The following ZPBP variants were observed in gnomAD, a reference collection of about 807,000 sequenced individuals.
The protein encoded by ZPBP is zona pellucida binding protein, also known as zona pellucida-binding protein 1.
ZPBP carries 26 observed loss-of-function variants against 44.8 expected under a neutral mutation model. The observed-to-expected ratio is 0.58, with a 90% CI of 0.43 to 0.81. The LOEUF is 0.81. Among genes scored for constraint, ZPBP ranks in the 30% least tolerant of loss-of-function variants. The pLI is 0.00. For missense variants in ZPBP, 409 were observed against 434.0 expected, an observed-to-expected ratio of 0.94 and a Z score of 0.51; for synonymous variants, 174 against 153.2, an observed-to-expected ratio of 1.14 and a Z score of -1.00.
At chr7:50,029,828 T>C (rs908086735) in intron 5 of ZPBP, among the ~76,000 whole-genome samples, 2 of 122,368 alleles carry the variant, frequency 1.6e-5, no homozygotes, top group African/African-American at 7.2e-5. Context: ...TTTTGTTTTT[T>C]GTTGTTGTTG....
intron 7 of ZPBP, among the ~76,000 whole-genome samples, chr7:49,968,044 A>G (rs955822977): frequency 6.6e-6 from 1 of 152,068 alleles, no homozygotes; most frequent in Middle Eastern, 3.2e-3. Context: ...TAAAATATTT[A>G]ATAGAGTATT....
intron 6 of ZPBP, among the ~76,000 whole-genome samples, chr7:49,997,550 G>T (rs1797903592): frequency 6.6e-6 from 1 of 152,172 alleles, no homozygotes; most frequent in African/African-American, 2.4e-5. Context: ...CCAATTACAG[G>T]TCTAGAAGTA....
At chr7:50,001,306 G>A (rs1213328853) in intron 6 of ZPBP, among the ~76,000 whole-genome samples, 2 of 152,130 alleles carry the variant, frequency 1.3e-5, no homozygotes, top group Non-Finnish European at 2.9e-5. Context: ...GAGTTGTACG[G>A]TATTTGCTAT....
chr7:50,054,969 C>T (rs989555902), intron 4 of ZPBP, among the ~76,000 whole-genome samples: 17 of 152,104 alleles, frequency 1.1e-4, no homozygotes, highest in African/African-American at 3.1e-4. Flanking sequence ...ATTGGCAACA[C>T]TTCAAAATAC....
chr7:49,938,563 CAG>C (rs1794714235), intron 7 of ZPBP, among the ~76,000 whole-genome samples: 1 of 152,052 alleles, frequency 6.6e-6, no homozygotes, highest in African/African-American at 2.4e-5. Context: ...AAAAATCACA[CAG>C]TGTATCATAG....
At chr7:49,982,825 T>A (rs548247104) in intron 7 of ZPBP, among the ~76,000 whole-genome samples, 58 of 152,062 alleles carry the variant, frequency 3.8e-4, no homozygotes, top group African/African-American at 1.4e-3. Flanking sequence ...GTCAACAGCC[T>A]CTACAGAACT....
intron 6 of ZPBP, among the ~76,000 whole-genome samples, chr7:50,016,016 G>T (rs564835748): frequency 1.1e-4 from 17 of 152,238 alleles, no homozygotes; most frequent in African/African-American, 4.1e-4. Flanking sequence ...ATTTCACAAA[G>T]AAATTAAAAC....
intron 4 of ZPBP, among the ~76,000 whole-genome samples, chr7:50,037,476 G>C (rs145888449): frequency 1.3e-5 from 2 of 152,172 alleles, no homozygotes; most frequent in African/African-American, 2.4e-5. Context: ...GAAAGCCTCA[G>C]GAAACTCACA....
intron 6 of ZPBP, among the ~76,000 whole-genome samples, chr7:50,002,612 T>C (rs1001327154): frequency 2.0e-5 from 3 of 152,196 alleles, no homozygotes; most frequent in East Asian, 3.8e-4. Flanking sequence ...GTAAAGTATC[T>C]GAAGATCACA....
At chr7:49,912,303 T>G in intron 1 of ZPBP, 1 of 1,096,566 alleles carries the variant, frequency 9.1e-7, no homozygotes. Flanking sequence ...AATGGAAAAT[T>G]GTTGGTACTT....
intron 3 of ZPBP, among the ~76,000 whole-genome samples, chr7:50,069,931 A>C (rs1801749500): frequency 6.6e-6 from 1 of 151,980 alleles, no homozygotes; most frequent in East Asian, 1.9e-4. Flanking sequence ...CTAGGGATCT[A>C]TGCCTCCCCA....
intron 2 of ZPBP, among the ~76,000 whole-genome samples, chr7:49,875,284 C>A (rs981509360): frequency 1.5e-5 from 2 of 136,630 alleles, no homozygotes; most frequent in African/African-American, 5.5e-5. Flanking sequence ...GCAGGAGAAT[C>A]GCCTGAACCC....
intron 2 of ZPBP, among the ~76,000 whole-genome samples, chr7:49,893,598 T>C (rs1291253166): frequency 6.6e-6 from 1 of 151,722 alleles, no homozygotes; most frequent in East Asian, 1.9e-4. Flanking sequence ...ATTTTTAGTT[T>C]ACTCTTAGTG....
intron 3 of ZPBP, among the ~76,000 whole-genome samples, chr7:50,078,707 A>G (rs972954831): frequency 6.6e-6 from 1 of 151,664 alleles, no homozygotes; most frequent in Admixed American, 6.6e-5. Flanking sequence ...ACAAAAACAG[A>G]CAAGTGGAAA....
intron 7 of ZPBP, among the ~76,000 whole-genome samples, chr7:49,980,383 A>T (rs908488126): frequency 1.4e-5 from 2 of 145,498 alleles, no homozygotes; most frequent in South Asian, 2.1e-4. Context: ...AAAAGAGTTT[A>T]AAAAATTTAT....
At chr7:50,076,381 G>A (rs1023484256) in intron 3 of ZPBP, among the ~76,000 whole-genome samples, 15 of 151,828 alleles carry the variant, frequency 9.9e-5, no homozygotes, top group East Asian at 1.9e-4. Context: ...CCCACTCACC[G>A]CTGTTACTCA....
intron 3 of ZPBP, among the ~76,000 whole-genome samples, chr7:50,058,591 G>A (rs1299463618): frequency 6.6e-6 from 1 of 151,752 alleles, no homozygotes; most frequent in East Asian, 1.9e-4. Context: ...CAGAATAAAG[G>A]CTATCAGAAT....
the ZPBP span, among the ~76,000 whole-genome samples, chr7:49,843,000 G>T: frequency 6.6e-6 from 1 of 152,104 alleles, no homozygotes; most frequent in Non-Finnish European, 1.5e-5. Flanking sequence ...CTCATAGTGA[G>T]CTCATGAACT....
intron 5 of ZPBP, among the ~76,000 whole-genome samples, chr7:50,026,146 C>G (rs1473533973): frequency 1.3e-5 from 2 of 151,862 alleles, no homozygotes; most frequent in African/African-American, 2.4e-5. Context: ...CAGATCTCTA[C>G]ACAAACATCA....
Sources: allele counts gnomAD v4.1 joint callset (sites outside exome capture counted in the v4.1 genomes callset), GRCh38; gene constraint gnomAD v4.1.1; transcripts MANE v1.5; gene names NCBI Gene and HGNC (gene_info 2026-07-23, HGNC 2026-07-21).